The following APBB2 variants were observed in gnomAD, a reference collection of about 807,000 sequenced individuals.
APBB2 encodes the protein Fe65-like 1.
Under a neutral mutation model 82.5 loss-of-function variants are expected in APBB2, and 38 were observed. The ratio of observed to expected loss-of-function variants is 0.46; its 90% CI spans 0.36 to 0.60. APBB2 has a LOEUF of 0.60. APBB2 is among the 20% of genes least tolerant of loss of function. The pLI, the probability that APBB2 is intolerant of heterozygous loss-of-function variation, is 0.00. For missense variants in APBB2, 772 were observed against 972.3 expected (o/e 0.79, Z 2.74); for synonymous variants, 341 against 368.2 (o/e 0.93, Z 0.85).
chr4:40,880,705 C>T, intron 12 of APBB2: 1 of 985,410 alleles, frequency 1.0e-6, no homozygotes, highest in South Asian at 4.7e-5. Flanking sequence ...AAAGGCCCAT[C>T]CTTTGTCTGG....
chr4:40,828,216 C>T (rs367558069), intron 13 of APBB2, among the ~76,000 whole-genome samples: 2 of 152,326 alleles, frequency 1.3e-5, no homozygotes, highest in East Asian at 3.9e-4. Context: ...TCAAACTGCT[C>T]TAAATTGCTT....
At chr4:41,146,343 A>AC (rs1760729015) in intron 1 of APBB2, among the ~76,000 whole-genome samples, 2 of 150,476 alleles carry the variant, frequency 1.3e-5, no homozygotes, top group African/African-American at 4.9e-5. Context: ...AAAAAAAAAA[A>AC]AAAAACCCGG....
At chr4:40,972,092 A>G (rs1796062317) in intron 6 of APBB2, among the ~76,000 whole-genome samples, 1 of 152,214 alleles carries the variant, frequency 6.6e-6, no homozygotes, top group Non-Finnish European at 1.5e-5. Context: ...GACTATTTTT[A>G]CTGCTCAATT....
chr4:40,979,657 A>G (rs1388558815), intron 6 of APBB2, among the ~76,000 whole-genome samples: 1 of 152,236 alleles, frequency 6.6e-6, no homozygotes, highest in African/African-American at 2.4e-5. Flanking sequence ...AGGAGGCCAC[A>G]CAGCAAGGAC....
At chr4:40,853,225 G>A (rs1311741467) in intron 12 of APBB2, among the ~76,000 whole-genome samples, 1 of 151,882 alleles carries the variant, frequency 6.6e-6, no homozygotes, top group East Asian at 1.9e-4. Flanking sequence ...CTGGTCCCTC[G>A]TTTTCCACTC....
intron 6 of APBB2, among the ~76,000 whole-genome samples, chr4:41,001,708 C>T (rs968463862): frequency 1.3e-5 from 2 of 151,904 alleles, no homozygotes; most frequent in Non-Finnish European, 2.9e-5. Flanking sequence ...TGAAACTCTG[C>T]CTCTACTAAA....
chr4:40,931,779 T>G (rs1375069731), intron 10 of APBB2, among the ~76,000 whole-genome samples: 1 of 152,070 alleles, frequency 6.6e-6, no homozygotes, highest in Non-Finnish European at 1.5e-5. Context: ...CACTGATTAT[T>G]CTCTTATATT....
At chr4:41,058,608 G>T (rs372102525) in intron 4 of APBB2, among the ~76,000 whole-genome samples, 10 of 152,270 alleles carry the variant, frequency 6.6e-5, no homozygotes, top group East Asian at 5.8e-4. Context: ...AGGTAGCCAC[G>T]GATAAGACTA....
chr4:41,101,231 G>C (rs1440915540), intron 2 of APBB2, among the ~76,000 whole-genome samples: 1 of 150,978 alleles, frequency 6.6e-6, no homozygotes, highest in East Asian at 2.0e-4. Context: ...TTGGGAGGCC[G>C]AGGCGGGTGG....
At chr4:41,137,943 T>A (rs1758026344) in intron 2 of APBB2, 1 of 152,056 alleles carries the variant, frequency 6.6e-6, no homozygotes, top group Admixed American at 6.6e-5. Context: ...CTGAGGCAGG[T>A]GGATCATGAG....
chr4:41,193,323 T>A lies in APBB2; in HGVS notation c.-417+21082A>T, dbSNP rs1012665192. Among the ~76,000 whole-genome samples the A allele has an allele frequency of 5.9e-5, 9 of 152,350 alleles. No homozygotes were observed. The South Asian group carries it at 6.2e-4, about 11-fold the overall frequency. ...TCTGTGACAGGCCTCTTAGGCACTTTACATATGTTATTTCCTATAAGCCCC... is the reference window on the plus strand; with the variant it reads ...TCTGTGACAGGCCTCTTAGGCACTTAACATATGTTATTTCCTATAAGCCCC... On this transcript the variant is annotated intron_variant, in intron 1 of 17. Transcript: ENST00000508593.
At chr4:41,112,731 T>C (rs1749630524) in intron 2 of APBB2, among the ~76,000 whole-genome samples, 1 of 152,204 alleles carries the variant, frequency 6.6e-6, no homozygotes, top group South Asian at 2.1e-4. Flanking sequence ...GGCTGACGCC[T>C]GTAATCCCAG....
At chr4:41,130,019 G>A (rs138675972) in intron 2 of APBB2, among the ~76,000 whole-genome samples, 1 of 152,086 alleles carries the variant, frequency 6.6e-6, no homozygotes, top group Admixed American at 6.6e-5. Context: ...ACTAACATTT[G>A]AGTAAGAATT....
At chr4:40,907,534 C>A (rs1043541024) in intron 10 of APBB2, among the ~76,000 whole-genome samples, 1 of 151,054 alleles carries the variant, frequency 6.6e-6, no homozygotes, top group Non-Finnish European at 1.5e-5. Flanking sequence ...CCAAGCCTGG[C>A]TGATTTTTGT....
intron 4 of APBB2, among the ~76,000 whole-genome samples, chr4:41,037,278 G>A (rs1301997868): frequency 2.6e-5 from 4 of 152,126 alleles, no homozygotes; most frequent in African/African-American, 4.8e-5. Flanking sequence ...CGCTGATTGT[G>A]AATACTTGGC....
At chr4:40,838,358 C>T (rs1404070074) in intron 12 of APBB2, among the ~76,000 whole-genome samples, 47 of 109,292 alleles carry the variant, frequency 4.3e-4, no homozygotes, top group African/African-American at 1.6e-3. Context: ...TTTTTTGAGA[C>T]GGAGTCTCGC....
rs183927193 is a variant in APBB2, at chr4:41,060,185, C to T, written c.-51+5391G>A. The stretch of plus-strand genomic sequence containing the variant: ...GAAACAATTTACCAAAAGAGACAGT[C>T]GACACAACTGGCAAAACCTGTGCCC... On this transcript the variant is annotated intron_variant, in intron 4 of 17. Coordinates refer to ENST00000508593, the MANE Select transcript of APBB2 (RefSeq NM_004307.2). Among the ~76,000 whole-genome samples, 13 of 152,044 alleles carry T rather than the reference C, an allele frequency of 8.6e-5. No individual in the cohort carries two copies. The East Asian group carries it at 2.3e-3, about 27-fold the overall frequency.
chr4:40,950,467 A>ATTGGGAGGTCAAGGC (rs1789788451), intron 6 of APBB2, among the ~76,000 whole-genome samples: 1 of 152,184 alleles, frequency 6.6e-6, no homozygotes, highest in African/African-American at 2.4e-5. Context: ...ATCCCAGCAC[A>ATTGGGAGGTCAAGGC]TTGGGAGGTC....
At chr4:40,879,476 T>C (rs983416825) in intron 12 of APBB2, among the ~76,000 whole-genome samples, 15 of 152,258 alleles carry the variant, frequency 9.9e-5, no homozygotes, top group Non-Finnish European at 1.9e-4. Context: ...CAAAGCCATT[T>C]TGGGGGGCTC....
Sources: gnomAD v4.1 joint callset for allele counts (sites outside exome capture counted in the v4.1 genomes callset) on GRCh38, gnomAD v4.1.1 for gene constraint, MANE v1.5 for transcripts, NCBI Gene and HGNC (gene_info 2026-07-23, HGNC 2026-07-21) for gene names.